STAG1: variants seen among roughly 807,000 people sequenced by gnomAD.
STAG1 encodes STAG1 cohesin complex component.
In STAG1, 26 loss-of-function variants were observed where a neutral mutation model predicts 170.9. The observed-to-expected ratio is 0.15, with a 90% CI of 0.11 to 0.21. The LOEUF (loss-of-function observed/expected upper bound fraction) is 0.21, where lower values mean the gene tolerates loss of function less well. Ranked by LOEUF, STAG1 falls within the 10% of genes least tolerant of loss-of-function variation. The pLI is 1.00. For synonymous variants in STAG1, 514 were observed against 497.7 expected (o/e 1.03, Z -0.44); for missense variants, 964 against 1,509.5 (o/e 0.64, Z 5.99).
chr3:136,583,766 GC>G (rs1477948932), intron 4 of STAG1, among the ~76,000 whole-genome samples: 2 of 152,140 alleles, frequency 1.3e-5, no homozygotes, highest in Non-Finnish European at 2.9e-5. Flanking sequence ...TCCAGCCTGA[GC>G]AATAGAATGA....
intron 1 of STAG1, among the ~76,000 whole-genome samples, chr3:136,659,318 G>T (rs1941497338): frequency 6.6e-6 from 1 of 152,180 alleles, no homozygotes; most frequent in Admixed American, 6.5e-5. Flanking sequence ...TAATATAAGT[G>T]TTAAATTTTT....
chr3:136,580,519 T>A (rs1045369433), intron 4 of STAG1, among the ~76,000 whole-genome samples: 3 of 145,690 alleles, frequency 2.1e-5, no homozygotes, highest in Non-Finnish European at 3.0e-5. Flanking sequence ...TCTTGTATAA[T>A]TCTTTTTTTT....
At chr3:136,373,807 G>T (rs1253028108) in intron 23 of STAG1, among the ~76,000 whole-genome samples, 5 of 152,182 alleles carry the variant, frequency 3.3e-5, no homozygotes, top group Non-Finnish European at 7.3e-5. Context: ...GTGCTGAAAA[G>T]AATGTATATT....
intron 1 of STAG1, among the ~76,000 whole-genome samples, chr3:136,747,118 A>AAT (rs1165780610): frequency 2.9e-5 from 4 of 137,720 alleles, no homozygotes; most frequent in African/African-American, 1.1e-4. Flanking sequence ...AAAAAAAAAA[A>AAT]AAAAATTAGC....
chr3:136,611,848 G>A (rs1421743155), intron 3 of STAG1, among the ~76,000 whole-genome samples: 1 of 150,784 alleles, frequency 6.6e-6, no homozygotes, highest in Non-Finnish European at 1.5e-5. Flanking sequence ...GTTATGTGTG[G>A]AATTTTTTTT....
chr3:136,618,975 C>T (rs1241989028), intron 3 of STAG1, among the ~76,000 whole-genome samples: 2 of 151,644 alleles, frequency 1.3e-5, no homozygotes, highest in South Asian at 4.2e-4. Context: ...TAATAGATAC[C>T]AAAATACTTA....
At position 136,681,950 on chromosome 3, in the gene STAG1, C is replaced by T. The variant is rs575040493; in HGVS notation, c.-83-50969G>A. Among the ~76,000 whole-genome samples the T allele has an allele frequency of 7.9e-5, 12 of 152,216 alleles. No individual in the cohort carries two copies. In the South Asian group the frequency reaches 2.3e-3, roughly 29 times the overall value. On this transcript the variant is annotated intron_variant, in intron 1 of 33. Transcript: ENST00000383202. The stretch of plus-strand genomic sequence containing the variant: ...TGTTTAAAGATAAAAATCTTTTCCT[C>T]TATGACCTGAAAGAGGGCAAGGATG...
intron 25 of STAG1, among the ~76,000 whole-genome samples, 164 bp downstream of exon 25, chr3:136,366,779 A>G (rs1249839644): frequency 6.6e-6 from 1 of 152,170 alleles, no homozygotes; most frequent in Non-Finnish European, 1.5e-5. Context: ...AACTGATATA[A>G]TAGTACAGAC....
At position 136,647,401 on chromosome 3, in the gene STAG1, C is replaced by T. The variant is rs554012993; in HGVS notation, c.-83-16420G>A. Among the ~76,000 whole-genome samples the T allele has an allele frequency of 3.6e-3, 548 of 152,212 alleles. 6 individuals carry two copies. The highest frequency in any genetic ancestry group is 0.012 in the African/African-American group (519 of 41,542). ...CCTGACTAACATGGAGAAACCCCGT[C>T]TCTACTAAAAATACAAAATTAGCCG... On this transcript the variant is annotated intron_variant, in intron 1 of 33. Transcript: ENST00000383202.
At chr3:136,683,973 A>C (rs1023181232) in intron 1 of STAG1, among the ~76,000 whole-genome samples, 1 of 152,352 alleles carries the variant, frequency 6.6e-6, no homozygotes, top group African/African-American at 2.4e-5. Context: ...AAATCTAGCA[A>C]AACATGTACA....
chr3:136,537,488 T>G (rs951790152), intron 6 of STAG1, among the ~76,000 whole-genome samples: 4 of 150,844 alleles, frequency 2.7e-5, no homozygotes, highest in African/African-American at 9.7e-5. Context: ...TGTCTTTTTT[T>G]TGTTTATTTT....
At chr3:136,356,223 G>C (rs1936647705) in intron 28 of STAG1, among the ~76,000 whole-genome samples, 3 of 152,094 alleles carry the variant, frequency 2.0e-5, no homozygotes, top group African/African-American at 7.2e-5. Context: ...CCTGGCATTA[G>C]AGCATAAGCT....
intron 10 of STAG1, among the ~76,000 whole-genome samples, chr3:136,476,937 A>AT (rs201095639): frequency 3.3e-5 from 5 of 152,094 alleles, no homozygotes; most frequent in Non-Finnish European, 5.9e-5. Flanking sequence ...GTCCTAGAAA[A>AT]TTTTTTTTAA....
intron 3 of STAG1, among the ~76,000 whole-genome samples, chr3:136,611,512 T>C (rs947591607): frequency 6.6e-6 from 1 of 151,828 alleles, no homozygotes; most frequent in Non-Finnish European, 1.5e-5. Context: ...TTCTTTTTTT[T>C]TGAGACACAG....
At chr3:136,448,367 T>C (rs1201731844) in intron 14 of STAG1, among the ~76,000 whole-genome samples, 1 of 152,136 alleles carries the variant, frequency 6.6e-6, no homozygotes, top group Non-Finnish European at 1.5e-5. Flanking sequence ...CAGATCCACA[T>C]GACCGGGGAC....
At chr3:136,664,154 T>C (rs1941675682) in intron 1 of STAG1, among the ~76,000 whole-genome samples, 1 of 152,104 alleles carries the variant, frequency 6.6e-6, no homozygotes, top group Non-Finnish European at 1.5e-5. Context: ...AACAGTTTGG[T>C]GGGTTACTAG....
chr3:136,420,594 G>C (rs1463177217), intron 20 of STAG1, among the ~76,000 whole-genome samples: 1 of 152,068 alleles, frequency 6.6e-6, no homozygotes, highest in Non-Finnish European at 1.5e-5. Flanking sequence ...TCTTTTTGTT[G>C]TTACTGAGAT....
chr3:136,536,350 A>G (rs1935623577), intron 6 of STAG1, among the ~76,000 whole-genome samples: 1 of 152,204 alleles, frequency 6.6e-6, no homozygotes, highest in Non-Finnish European at 1.5e-5. Context: ...AGGGTTGTCC[A>G]AACTGAAAAA....
intron 15 of STAG1, among the ~76,000 whole-genome samples, chr3:136,441,244 G>T (rs1429653373): frequency 1.3e-5 from 2 of 152,022 alleles, no homozygotes; most frequent in Non-Finnish European, 2.9e-5. Flanking sequence ...TATTGGCGAG[G>T]CTGGTCTCAA....
Sources: allele counts gnomAD v4.1 joint callset (sites outside exome capture counted in the v4.1 genomes callset), GRCh38; gene constraint gnomAD v4.1.1; transcripts MANE v1.5; gene names NCBI Gene and HGNC (gene_info 2026-07-23, HGNC 2026-07-21).